RYR3: variants seen among roughly 807,000 people sequenced by gnomAD.
RYR3 encodes ryanodine receptor 3.
A neutral mutation model predicts 584.3 loss-of-function variants in RYR3; 207 were observed. The ratio of observed to expected loss-of-function variants is 0.35; its 90% CI spans 0.32 to 0.40. The LOEUF (loss-of-function observed/expected upper bound fraction) is 0.40. Ranked by LOEUF, RYR3 falls within the 10% of genes least tolerant of loss-of-function variation. RYR3 has a pLI of 1.00. For missense variants in RYR3, 5,616 were observed against 6,089.2 expected (o/e 0.92, Z 2.59); for synonymous variants, 2,416 against 2,248.5 (o/e 1.07, Z -2.11).
At chr15:33,755,972 C>T (rs2071779091) in intron 58 of RYR3, among the ~76,000 whole-genome samples, 1 of 152,118 alleles carries the variant, frequency 6.6e-6, no homozygotes, top group Non-Finnish European at 1.5e-5. Context: ...TGGGGTTTCA[C>T]CATGTTGTCC....
Position 33,785,850 on chromosome 15 carries a change from C to T in RYR3, c.9457C>T (p.Leu3153=). ...CTGGTGGGAGCGGGGTCCTGAGAACCTGCCCCCCAGCACAGGGCCATGCTG... is the reference window on the plus strand; with the variant it reads ...CTGGTGGGAGCGGGGTCCTGAGAACTTGCCCCCCAGCACAGGGCCATGCTG... ...SYWWERGPEN[L]PPSTGPCCTK... is the part of the protein sequence containing the mutation. The change falls in exon 66 of 104, where the codon CTG becomes TTG. Residue 3153 remains leucine (L), a synonymous_variant. Transcript: ENST00000634891. The T allele has an allele frequency of 6.2e-7, 1 of 1,613,906 alleles. No homozygotes were observed. The highest frequency in any genetic ancestry group is 8.5e-7 in the Non-Finnish European group (1 of 1,179,868).
At position 33,854,374 on chromosome 15, in the gene RYR3, C is replaced by G; in HGVS notation, c.13800-15C>G. ...TTGACATTTATAAGTTTTAAAATCA[C>G]TTGTTCTTCTCTAGGCTAAGTTCCA... On this transcript the variant is annotated splice_polypyrimidine_tract_variant and intron_variant, in intron 96 of 103. Transcript: ENST00000634891. The G allele has an allele frequency of 6.4e-7, 1 of 1,554,570 alleles. No homozygotes were observed. The highest frequency in any genetic ancestry group is 8.7e-7 in the Non-Finnish European group (1 of 1,149,666).
chr15:33,650,296 G>A (rs2062390637), intron 31 of RYR3, among the ~76,000 whole-genome samples: 1 of 152,170 alleles, frequency 6.6e-6, no homozygotes, highest in Non-Finnish European at 1.5e-5. Context: ...AGAATCGCTT[G>A]AACCCAGAAG....
Position 33,669,474 on chromosome 15 carries a change from A to G in RYR3, c.5722+18A>G, listed in dbSNP as rs1026094918. Reference sequence around the variant, plus strand: ...TCACTGTGGTAAGCTGCCCAGAGAAAGGCTTTGTCCTTTTTTTACAAGAAG... The same window carrying G: ...TCACTGTGGTAAGCTGCCCAGAGAAGGGCTTTGTCCTTTTTTTACAAGAAG... On this transcript the variant is annotated intron_variant, in intron 37 of 103. Transcript: ENST00000634891. The G allele has an allele frequency of 6.2e-7, 1 of 1,605,276 alleles. No individual in the cohort carries two copies. Among genetic ancestry groups the G allele is most frequent in the African/African-American group, 1.3e-5 (1 of 74,742 alleles).
rs1031963599 is a variant in RYR3 at position 33,604,203 on chromosome 15, C to T, written c.2164+839C>T. Among the ~76,000 whole-genome samples the T allele has an allele frequency of 4.6e-5, 7 of 152,344 alleles. 1 individual carries two copies. The highest frequency in any genetic ancestry group is 1.7e-4 in the African/African-American group (7 of 41,578). On this transcript the variant is annotated intron_variant, in intron 18 of 103. Coordinates refer to ENST00000634891, the MANE Select transcript of RYR3 (RefSeq NM_001036.6). ...TGCCGTGTGCCCGTTACATAAGTAACCATGACACACATTCTTCCTCAAATC... is the reference window on the plus strand; with the variant it reads ...TGCCGTGTGCCCGTTACATAAGTAATCATGACACACATTCTTCCTCAAATC...
chr15:33,450,399 G>C (rs960106103), intron 1 of RYR3, among the ~76,000 whole-genome samples: 7 of 152,146 alleles, frequency 4.6e-5, no homozygotes, highest in Non-Finnish European at 1.0e-4. Flanking sequence ...GCCCCAGGCT[G>C]TACACCCTGT....
chr15:33,529,104 A>C (rs1567457298), intron 3 of RYR3, among the ~76,000 whole-genome samples: 1 of 152,206 alleles, frequency 6.6e-6, no homozygotes, highest in Non-Finnish European at 1.5e-5. Flanking sequence ...TTAGCTGTTG[A>C]CACATTTATA....
intron 1 of RYR3, among the ~76,000 whole-genome samples, chr15:33,430,775 T>C (rs906009021): frequency 6.6e-6 from 1 of 152,248 alleles, no homozygotes; most frequent in African/African-American, 2.4e-5. Flanking sequence ...GCTCATTTAC[T>C]TCTCAAAGCT....
intron 23 of RYR3, 59 bp from the exon 24 acceptor site, chr15:33,632,890 C>T (rs2061336098): frequency 6.7e-7 from 1 of 1,482,234 alleles, no homozygotes; most frequent in South Asian, 1.2e-5. Flanking sequence ...GGTCTAAAAT[C>T]CGGAATGAGA....
chr15:33,413,538 G>T (rs1373859680), intron 1 of RYR3, among the ~76,000 whole-genome samples: 1 of 152,214 alleles, frequency 6.6e-6, no homozygotes, highest in Non-Finnish European at 1.5e-5. Flanking sequence ...TTAGGGACAG[G>T]AGTGTGGCCA....
chr15:33,657,735 G>A (rs1457378229), intron 32 of RYR3, among the ~76,000 whole-genome samples: 1 of 152,160 alleles, frequency 6.6e-6, no homozygotes, highest in East Asian at 1.9e-4. Context: ...GGTTTTACTG[G>A]CACTTATCTC....
At chr15:33,469,790 G>A (rs1216743890) in intron 1 of RYR3, among the ~76,000 whole-genome samples, 1 of 152,184 alleles carries the variant, frequency 6.6e-6, no homozygotes, top group African/African-American at 2.4e-5. Flanking sequence ...CCTGAAGAAT[G>A]AATGAGATTG....
intron 53 of RYR3, among the ~76,000 whole-genome samples, chr15:33,746,774 T>A (rs1226476987): frequency 6.6e-6 from 1 of 150,564 alleles, no homozygotes; most frequent in African/African-American, 2.4e-5. Flanking sequence ...AAAGAAAAAA[T>A]TCAGACAAAA....
At chr15:33,663,764 C>T (rs1445870727) in intron 36 of RYR3, 27 bp downstream of exon 36, 7 of 1,569,210 alleles carry the variant, frequency 4.5e-6, no homozygotes, top group Non-Finnish European at 6.1e-6. Context: ...AGCCTCTGTC[C>T]AGTTCCTATG....
intron 97 of RYR3, 69 bp from the exon 98 acceptor site, chr15:33,854,697 A>C: frequency 6.5e-7 from 1 of 1,533,076 alleles, no homozygotes; most frequent in East Asian, 2.3e-5. Flanking sequence ...CCAAAATAAG[A>C]AAAAATGTTT....
chr15:33,835,213 A>AG, intron 87 of RYR3, 141 bp downstream of exon 87: 2 of 647,124 alleles, frequency 3.1e-6, no homozygotes, highest in Non-Finnish European at 5.2e-6. Flanking sequence ...TTTTAAACTG[A>AG]AGGCCAAAAT....
intron 1 of RYR3, among the ~76,000 whole-genome samples, chr15:33,456,154 G>A (rs943008984): frequency 6.6e-6 from 1 of 152,128 alleles, no homozygotes; most frequent in Non-Finnish European, 1.5e-5. Context: ...TTTAGGGCTA[G>A]TCTGTCTCAT....
At chr15:33,515,074 A>G (rs958222999) in intron 3 of RYR3, among the ~76,000 whole-genome samples, 2 of 152,178 alleles carry the variant, frequency 1.3e-5, no homozygotes, top group Non-Finnish European at 2.9e-5. Flanking sequence ...TTCAGAATAC[A>G]TGTGATAATT....
intron 1 of RYR3, among the ~76,000 whole-genome samples, chr15:33,423,704 A>C (rs1190142962): frequency 6.6e-6 from 1 of 152,116 alleles, no homozygotes; most frequent in African/African-American, 2.4e-5. Context: ...TGTGAAGTAG[A>C]ATCTCATTGT....
Sources: gnomAD v4.1 joint callset for allele counts (sites outside exome capture counted in the v4.1 genomes callset) on GRCh38, gnomAD v4.1.1 for gene constraint, MANE v1.5 for transcripts, NCBI Gene and HGNC (gene_info 2026-07-23, HGNC 2026-07-21) for gene names.